LSM14A: variants seen among roughly 807,000 people sequenced by gnomAD.
The protein encoded by LSM14A is protein LSM14 homolog A.
LSM14A carries 14 observed loss-of-function variants against 52.4 expected under a neutral mutation model. That is an observed-to-expected ratio of 0.27 (90% confidence interval 0.18 to 0.42). The LOEUF (loss-of-function observed/expected upper bound fraction) is 0.42. Ranked by LOEUF, LSM14A falls within the 10% of genes least tolerant of loss-of-function variation. The pLI is 1.00. For synonymous variants in LSM14A, 185 were observed against 200.3 expected (o/e 0.92, Z 0.64); for missense variants, 417 against 581.8 (o/e 0.72, Z 2.91).
At chr19:34,208,775 C>T in intron 3 of LSM14A, 154 bp from the exon 4 acceptor site, 1 of 592,778 alleles carries the variant, frequency 1.7e-6, no homozygotes. Context: ...CCAAACTATT[C>T]AGTACACTTT....
intron 1 of LSM14A, among the ~76,000 whole-genome samples, chr19:34,192,316 G>GTTGTT (rs1175438850): frequency 1.5e-5 from 1 of 65,822 alleles, no homozygotes; most frequent in African/African-American, 5.8e-5. Flanking sequence ...CATTCTTTTT[G>GTTGTT]TTGTTTTTTT....
At chr19:34,220,167 G>A (rs74401830) in intron 8 of LSM14A, among the ~76,000 whole-genome samples, 31,900 of 151,876 alleles carry the variant, frequency 0.21, 4,452 homozygotes, top group Non-Finnish European at 0.32. Context: ...TGGGGGTCTC[G>A]CTATGTTGCC....
At chr19:34,220,381 G>A (rs950088816) in intron 8 of LSM14A, among the ~76,000 whole-genome samples, 1 of 152,116 alleles carries the variant, frequency 6.6e-6, no homozygotes, top group Non-Finnish European at 1.5e-5. Context: ...TTGAATATTA[G>A]CAATTAAAAC....
At chr19:34,185,207 C>A (rs76382878) in intron 1 of LSM14A, among the ~76,000 whole-genome samples, 1 of 152,094 alleles carries the variant, frequency 6.6e-6, no homozygotes, top group Non-Finnish European at 1.5e-5. Context: ...GTGCAAGGAA[C>A]GTCATCTGGG....
chr19:34,212,401 G>T (rs1176001944), intron 4 of LSM14A, among the ~76,000 whole-genome samples: 1 of 152,070 alleles, frequency 6.6e-6, no homozygotes, highest in South Asian at 2.1e-4. Flanking sequence ...TAATAATGTT[G>T]CCTGATCATT....
At chr19:34,176,515 T>A (rs1043682972) in intron 1 of LSM14A, among the ~76,000 whole-genome samples, 1 of 152,224 alleles carries the variant, frequency 6.6e-6, no homozygotes, top group Non-Finnish European at 1.5e-5. Flanking sequence ...ACATTTATAG[T>A]TTTACCATAT....
chr19:34,205,168 C>T lies in LSM14A; in HGVS notation c.416-3761C>T, dbSNP rs145581164. On this transcript the variant is annotated intron_variant, in intron 3 of 9. Coordinates refer to ENST00000544216, the MANE Select transcript of LSM14A (RefSeq NM_015578.4). ...AAAAGAAAATAAGAATTTTTAAAATCAGTGCTTTAAGCTACCAGTTTAAGA... is the reference window on the plus strand; with the variant it reads ...AAAAGAAAATAAGAATTTTTAAAATTAGTGCTTTAAGCTACCAGTTTAAGA... Among the ~76,000 whole-genome samples the T allele has an allele frequency of 1.0e-2, 1,512 of 151,688 alleles. 17 individuals are homozygous for T. The highest frequency in any genetic ancestry group is 0.015 in the Non-Finnish European group (1,049 of 67,866).
chr19:34,208,693 T>C (rs150154834), intron 3 of LSM14A: 184 of 369,106 alleles, frequency 5.0e-4, no homozygotes, highest in African/African-American at 3.2e-3. Context: ...TTATAAACAT[T>C]GCTTGCATCC....
chr19:34,204,161 A>G (rs1415412103), intron 3 of LSM14A, among the ~76,000 whole-genome samples: 1 of 152,246 alleles, frequency 6.6e-6, no homozygotes, highest in Non-Finnish European at 1.5e-5. Flanking sequence ...TTTATAAAAC[A>G]GTATACCCAA....
intron 1 of LSM14A, among the ~76,000 whole-genome samples, chr19:34,192,319 G>GTTTTTTTTTGTTTTT (rs2070457124): frequency 1.9e-5 from 1 of 53,410 alleles, no homozygotes; most frequent in African/African-American, 8.1e-5. Context: ...TCTTTTTGTT[G>GTTTTTTTTTGTTTTT]TTTTTTTTTT....
intron 1 of LSM14A, among the ~76,000 whole-genome samples, chr19:34,183,121 GA>G (rs753419693): frequency 5.3e-5 from 8 of 152,144 alleles, no homozygotes; most frequent in Non-Finnish European, 8.8e-5. Context: ...CCATAAGGAA[GA>G]ATGCCCAACT....
intron 1 of LSM14A, among the ~76,000 whole-genome samples, chr19:34,188,903 C>T (rs2070144114): frequency 6.6e-6 from 1 of 151,640 alleles, no homozygotes; most frequent in Admixed American, 6.6e-5. Flanking sequence ...TGGGTTGTTT[C>T]TACCATTTGG....
intron 1 of LSM14A, 76 bp downstream of exon 1, chr19:34,172,839 C>T: frequency 1.4e-6 from 2 of 1,450,160 alleles, no homozygotes; most frequent in Non-Finnish European, 1.8e-6. Flanking sequence ...GGCCCGCGGC[C>T]TCCTCGTTCC....
At chr19:34,205,962 G>A (rs1283357721) in intron 3 of LSM14A, among the ~76,000 whole-genome samples, 1 of 152,146 alleles carries the variant, frequency 6.6e-6, no homozygotes, top group East Asian at 1.9e-4. Context: ...GTAGACGTCA[G>A]TATAGACCTT....
intron 1 of LSM14A, among the ~76,000 whole-genome samples, chr19:34,192,012 CT>C (rs955128849): frequency 0.01 from 3 of 300 alleles, no homozygotes; most frequent in South Asian, 0.25. Flanking sequence ...CAAAATTTCT[CT>C]GGGGGGCAGG....
intron 2 of LSM14A, among the ~76,000 whole-genome samples, chr19:34,195,653 G>T (rs2070779293): frequency 6.6e-6 from 1 of 152,188 alleles, no homozygotes; most frequent in Non-Finnish European, 1.5e-5. Flanking sequence ...TTATTTTGGT[G>T]AAAGGAAGCC....
chr19:34,218,251 G>T (rs926410278), intron 6 of LSM14A, among the ~76,000 whole-genome samples: 2 of 152,076 alleles, frequency 1.3e-5, no homozygotes, highest in African/African-American at 4.8e-5. Flanking sequence ...TGATCCGCCC[G>T]CCCCGGCCTC....
At chr19:34,175,480 C>T (rs1381367846) in intron 1 of LSM14A, among the ~76,000 whole-genome samples, 1 of 152,178 alleles carries the variant, frequency 6.6e-6, no homozygotes, top group Non-Finnish European at 1.5e-5. Flanking sequence ...GATCCACCTG[C>T]CTCAGCCTCC....
At chr19:34,216,102 A>G (rs1237915717) in intron 6 of LSM14A, among the ~76,000 whole-genome samples, 2 of 152,212 alleles carry the variant, frequency 1.3e-5, no homozygotes, top group Admixed American at 1.3e-4. Flanking sequence ...ACTTTAAAAT[A>G]AAAAGATTTT....
Sources: allele counts gnomAD v4.1 joint callset (sites outside exome capture counted in the v4.1 genomes callset), GRCh38; gene constraint gnomAD v4.1.1; transcripts MANE v1.5; gene names NCBI Gene and HGNC (gene_info 2026-07-23, HGNC 2026-07-21).